Variants in RBMS2 observed in about 807,000 individuals in gnomAD.
RBMS2 encodes the protein RNA-binding motif, single-stranded-interacting protein 2.
In RBMS2, 38 loss-of-function variants were observed where a neutral mutation model predicts 58.4. That is an observed-to-expected ratio of 0.65 (90% CI 0.50 to 0.85). The LOEUF is 0.85. RBMS2 is among the 40% of genes least tolerant of loss of function. The probability of loss-of-function intolerance (pLI) is 0.00; values close to 1 mark genes in which losing one functional copy is unlikely to be tolerated. For synonymous variants in RBMS2, 151 were observed against 180.7 expected, an observed-to-expected ratio of 0.84 and a Z score of 1.32; for missense variants, 367 against 503.7, an observed-to-expected ratio of 0.73 and a Z score of 2.60.
Position 56,595,645 on chromosome 12 carries a change from T to C in RBMS2, c.*6512T>C, listed in dbSNP as rs1341899955. ...TGAGTGGGAAGTGGTAAGCTGGTGA[T>C]GGTCCCATATTTGCTATGACAGGAA... On this transcript the variant is annotated 3_prime_UTR_variant, in exon 14 of 14. Coordinates refer to ENST00000262031, the MANE Select transcript of RBMS2 (RefSeq NM_002898.4). 1 of 152,094 alleles carries C rather than the reference T, an allele frequency of 6.6e-6. No individual in the cohort carries two copies. Among genetic ancestry groups the C allele is most frequent in the African/African-American group, 2.4e-5 (1 of 41,382 alleles). The allele number at this position is 152,094 out of a possible 1,614,324, so 9.4% of individuals were successfully genotyped here.
intron 4 of RBMS2, 78 bp from the exon 5 acceptor site, chr12:56,571,620 A>G: frequency 7.2e-7 from 1 of 1,392,508 alleles, no homozygotes; most frequent in South Asian, 1.6e-5. Context: ...CTTTTCTGAA[A>G]TGTCATTTGT....
intron 1 of RBMS2, among the ~76,000 whole-genome samples, chr12:56,533,408 CTTTTTTTTT>C (rs1164155079): frequency 2.8e-4 from 18 of 65,306 alleles, no homozygotes; most frequent in African/African-American, 9.4e-4. Flanking sequence ...AGCCCTATTA[CTTTTTTTTT>C]TTTTTTTTTT....
intron 1 of RBMS2, among the ~76,000 whole-genome samples, chr12:56,546,040 G>GATTCTTAT (rs1327046749): frequency 3.3e-5 from 5 of 149,882 alleles, no homozygotes; most frequent in Non-Finnish European, 7.4e-5. Context: ...GGGTTCAAGT[G>GATTCTTAT]ATTCTTATAC....
chr12:56,577,563 C>T (rs1027131284), intron 5 of RBMS2, among the ~76,000 whole-genome samples: 2 of 151,634 alleles, frequency 1.3e-5, no homozygotes, highest in Admixed American at 6.6e-5. Flanking sequence ...CAGCCTTGAC[C>T]TTCTGGGCTC....
At chr12:56,583,048 A>G (rs1765698938) in intron 9 of RBMS2, among the ~76,000 whole-genome samples, 1 of 152,156 alleles carries the variant, frequency 6.6e-6, no homozygotes, top group Admixed American at 6.5e-5. Flanking sequence ...GTTGCATTAT[A>G]TTTCATGCTG....
At chr12:56,567,320 G>A (rs960360363) in intron 2 of RBMS2, among the ~76,000 whole-genome samples, 1 of 151,632 alleles carries the variant, frequency 6.6e-6, no homozygotes, top group Non-Finnish European at 1.5e-5. Flanking sequence ...GGGAGGCGGA[G>A]GGTGCAGTGA....
intron 5 of RBMS2, chr12:56,580,346 C>T (rs1271381476): frequency 2.5e-6 from 1 of 392,472 alleles, no homozygotes; most frequent in Non-Finnish European, 5.0e-6. Flanking sequence ...GATTCTCTCA[C>T]CTCTGCCTCC....
intron 5 of RBMS2, among the ~76,000 whole-genome samples, chr12:56,576,549 G>A (rs955457868): frequency 9.9e-5 from 15 of 152,120 alleles, no homozygotes; most frequent in Admixed American, 2.0e-4. Context: ...GATAAGGGGG[G>A]ACTACTAGAG....
At chr12:56,522,770 G>A (rs542430936) in intron 1 of RBMS2, among the ~76,000 whole-genome samples, 1 of 152,264 alleles carries the variant, frequency 6.6e-6, no homozygotes, top group East Asian at 1.9e-4. Context: ...TTAACCCATG[G>A]CTGCCAGAGA....
chr12:56,537,169 C>T (rs1440113844), intron 1 of RBMS2, among the ~76,000 whole-genome samples: 1 of 152,166 alleles, frequency 6.6e-6, no homozygotes, highest in East Asian at 1.9e-4. Context: ...AGTCCACTCA[C>T]CTCAGCCTCC....
chr12:56,585,101 G>A (rs1025672477), intron 9 of RBMS2, among the ~76,000 whole-genome samples: 12 of 152,130 alleles, frequency 7.9e-5, no homozygotes, highest in Non-Finnish European at 1.5e-4. Flanking sequence ...GGGATTACAG[G>A]CGTGAGCCAC....
Position 56,562,457 on chromosome 12 carries a change from C to T in RBMS2, c.107C>T (p.Pro36Leu). 12 of 1,609,324 alleles carry T rather than the reference C, an allele frequency of 7.5e-6. No individual in the cohort carries two copies. Among genetic ancestry groups the T allele is most frequent in the Non-Finnish European group, 1.0e-5 (12 of 1,175,628 alleles). ...GCTCAGCAGATGGCACCACCTAGCC[C>T]AAGCAACAGTACACCTAACAGCAGT... ...SLAQQMAPPSPSNSTPNSSSG... is the reference protein window; with the variant it reads ...SLAQQMAPPSLSNSTPNSSSG... The change falls in exon 2 of 14, where the codon CCA becomes CTA. Residue 36 changes from proline (P) to leucine (L), a missense_variant. Pro to Leu is a moderately conservative substitution (Grantham distance 98). Transcript: ENST00000262031.
chr12:56,549,857 G>A (rs930725667), intron 1 of RBMS2, among the ~76,000 whole-genome samples: 8 of 151,928 alleles, frequency 5.3e-5, no homozygotes, highest in East Asian at 1.9e-4. Context: ...GAGAAACCCC[G>A]TCTCTACTAA....
chr12:56,525,339 A>G (rs1407868096), intron 1 of RBMS2, among the ~76,000 whole-genome samples: 2 of 151,730 alleles, frequency 1.3e-5, no homozygotes, highest in African/African-American at 4.8e-5. Context: ...CTCCCGCCTC[A>G]ACCTCCTGGG....
At chr12:56,565,733 C>T (rs1049627730) in intron 2 of RBMS2, among the ~76,000 whole-genome samples, 5 of 152,082 alleles carry the variant, frequency 3.3e-5, no homozygotes, top group Admixed American at 2.6e-4. Flanking sequence ...CATGCGTAGA[C>T]GGACTTCCTG....
Position 56,588,912 on chromosome 12 carries a change from C to T in RBMS2, c.1144-20C>T. ...GGAAAGGAATGCGCAAGATGACCCC[C>T]CTCCTTGGCTATGGCACAGGAGAGC... is the stretch of plus-strand genomic sequence containing the variant. On this transcript the variant is annotated intron_variant, in intron 12 of 13. Transcript: ENST00000262031. 6.2e-7 allele frequency: 1 copy of T among 1,612,670 alleles called. No homozygotes were observed. Among genetic ancestry groups the T allele is most frequent in the Non-Finnish European group, 8.5e-7 (1 of 1,178,754 alleles).
chr12:56,561,143 C>A (rs1880314849), intron 1 of RBMS2, among the ~76,000 whole-genome samples: 1 of 152,084 alleles, frequency 6.6e-6, no homozygotes, highest in Non-Finnish European at 1.5e-5. Flanking sequence ...TATGTACAAT[C>A]TTTTCTTTAT....
At chr12:56,552,922 C>CTTTTTTTTTTTTTTTTTTT in intron 1 of RBMS2, among the ~76,000 whole-genome samples, 1 of 61,982 alleles carries the variant, frequency 1.6e-5, no homozygotes, top group Non-Finnish European at 2.9e-5. Context: ...ATTAAGAGTC[C>CTTTTTTTTTTTTTTTTTTT]TTTTTTTTTT....
At chr12:56,523,031 C>G (rs189373643) in intron 1 of RBMS2, among the ~76,000 whole-genome samples, 3 of 152,208 alleles carry the variant, frequency 2.0e-5, no homozygotes, top group African/African-American at 7.2e-5. Flanking sequence ...GGAACGATTC[C>G]TGCTGCTTTC....
Sources: gnomAD v4.1 joint callset for allele counts (sites outside exome capture counted in the v4.1 genomes callset) on GRCh38, gnomAD v4.1.1 for gene constraint, MANE v1.5 for transcripts, NCBI Gene and HGNC (gene_info 2026-07-23, HGNC 2026-07-21) for gene names.